The following SVIL variants were observed in gnomAD, a reference collection of about 807,000 sequenced individuals.
The protein encoded by SVIL is supervillin, also known as archvillin.
A neutral mutation model predicts 240.4 loss-of-function variants in SVIL; 101 were observed. The ratio of observed to expected loss-of-function variants is 0.42; its 90% confidence interval spans 0.36 to 0.50. SVIL has a LOEUF of 0.50. Ranked by LOEUF, SVIL falls within the 20% of genes least tolerant of loss-of-function variation. The pLI, the probability that SVIL is intolerant of heterozygous loss-of-function variation, is 0.01. For missense variants in SVIL, 2,512 were observed against 2,818.7 expected (o/e 0.89, Z 2.46); for synonymous variants, 999 against 1,100.0 (o/e 0.91, Z 1.82).
intron 1 of SVIL, among the ~76,000 whole-genome samples, chr10:29,619,763 T>C (rs987803976): frequency 3.9e-5 from 6 of 152,262 alleles, no homozygotes; most frequent in Non-Finnish European, 7.3e-5. Context: ...TAATTTTTGC[T>C]CTACTAAAAT....
upstream of SVIL, among the ~76,000 whole-genome samples, chr10:29,636,343 G>A (rs1051217657): frequency 1.3e-5 from 2 of 152,110 alleles, no homozygotes; most frequent in African/African-American, 4.8e-5. Flanking sequence ...TTCACTATTT[G>A]GGTCTTCTCT....
chr10:29,536,315 A>G (rs2132580626), intron 6 of SVIL, among the ~76,000 whole-genome samples: 1 of 152,300 alleles, frequency 6.6e-6, no homozygotes, highest in East Asian at 1.9e-4. Flanking sequence ...TGTGCTTATT[A>G]CCTGGGTGAC....
At chr10:29,518,067 C>A (rs1295644947) in intron 16 of SVIL, among the ~76,000 whole-genome samples, 1 of 152,134 alleles carries the variant, frequency 6.6e-6, no homozygotes, top group African/African-American at 2.4e-5. Context: ...TCAAATTTGA[C>A]ATTCACAATG....
rs1345689393 is a variant in SVIL, at chr10:29,522,640, G to T, written c.3164-5C>A. On this transcript the variant is annotated splice_polypyrimidine_tract_variant and splice_region_variant and intron_variant, in intron 15 of 37. Transcript: ENST00000355867. ...TGGGCTCCCCGAACTCTGCCGCTGG[G>T]AAGGAAAAGAGCAACATCAGCACTG... is the stretch of plus-strand genomic sequence containing the variant. The T allele has an allele frequency of 1.2e-6, 2 of 1,613,088 alleles. No homozygotes were observed. Among genetic ancestry groups the T allele is most frequent in the East Asian group, 4.5e-5 (2 of 44,850 alleles).
intron 29 of SVIL, among the ~76,000 whole-genome samples, chr10:29,477,929 T>G (rs1307822006): frequency 6.6e-6 from 1 of 152,270 alleles, no homozygotes; most frequent in Non-Finnish European, 1.5e-5. Context: ...TATTTTTAAT[T>G]AATTCACTTT....
At chr10:29,506,365 T>C (rs996016924) in intron 17 of SVIL, among the ~76,000 whole-genome samples, 14 of 152,094 alleles carry the variant, frequency 9.2e-5, no homozygotes, top group Non-Finnish European at 1.9e-4. Flanking sequence ...CATTTCCAGC[T>C]TCGGGGGAAG....
At chr10:29,659,892 T>C (rs571701470) in intron 2 of SVIL, among the ~76,000 whole-genome samples, 1 of 152,334 alleles carries the variant, frequency 6.6e-6, no homozygotes, top group African/African-American at 2.4e-5. Flanking sequence ...GCTAGATCAA[T>C]GTAAGCCTCT....
chr10:29,479,478 G>T (rs1946589482), intron 29 of SVIL, among the ~76,000 whole-genome samples: 1 of 152,162 alleles, frequency 6.6e-6, no homozygotes, highest in Non-Finnish European at 1.5e-5. Context: ...GGACCTCTGG[G>T]CCACAGCCCG....
rs769133195 is a variant in SVIL, at chr10:29,634,531, G to A, written c.-312C>T. On this transcript the variant is annotated 5_prime_UTR_variant, in exon 1 of 38. Coordinates refer to ENST00000355867, the MANE Select transcript of SVIL (RefSeq NM_021738.3). The stretch of plus-strand genomic sequence containing the variant: ...ACAAAACAAAACACGTTATACCCTC[G>A]AATCCAGCTTTTGATGTCTTCGAGT... 3.3e-5 allele frequency: 5 copies of A among 152,014 alleles called. No homozygotes were observed. The highest frequency in any genetic ancestry group is 7.4e-5 in the Non-Finnish European group (5 of 68,010). The allele number at this position is 152,014 out of a possible 1,614,324, so 9.4% of individuals were successfully genotyped here. A position where few individuals can be genotyped will look rare whatever the true frequency, so the allele number is the denominator to read the frequency against.
At chr10:29,471,594 A>G (rs910847391) in intron 30 of SVIL, among the ~76,000 whole-genome samples, 6 of 152,258 alleles carry the variant, frequency 3.9e-5, no homozygotes, top group African/African-American at 1.4e-4. Flanking sequence ...CAAGACTGAT[A>G]TAAATACATT....
intron 17 of SVIL, chr10:29,508,300 TG>T (rs1949528335): frequency 8.0e-7 from 1 of 1,248,818 alleles, no homozygotes; most frequent in Admixed American, 2.3e-5. Flanking sequence ...AGTGTAATTC[TG>T]GCCACCATCG....
chr10:29,716,757 A>G (rs549733164), intron 1 of SVIL, among the ~76,000 whole-genome samples: 1 of 152,246 alleles, frequency 6.6e-6, no homozygotes, highest in Non-Finnish European at 1.5e-5. Context: ...TTCTTGAAGC[A>G]GTTTATGGAA....
rs569573986 is a variant in SVIL, at chr10:29,606,672, G to T, written c.-201+27748C>A. Among the ~76,000 whole-genome samples the T allele has an allele frequency of 3.9e-5, 6 of 152,208 alleles. No individual in the cohort carries two copies. In the East Asian group the frequency reaches 9.6e-4, roughly 24 times the overall value. On this transcript the variant is annotated intron_variant, in intron 1 of 37. Coordinates refer to ENST00000355867, the MANE Select transcript of SVIL (RefSeq NM_021738.3). ...CTTGATCTATAATTGATTTTCTCCA[G>T]TTGCCTCAAAAATGTATTTTTACGG... is the stretch of plus-strand genomic sequence containing the variant.
rs1160364920 is a variant in SVIL, at chr10:29,480,827, C to T, written c.5101-14G>A. ...CCTGGGGTCTTCCTACAGGGGAACA[C>T]AAAGACATCAGTTCAGTTGCCTGTT... is the stretch of plus-strand genomic sequence containing the variant. On this transcript the variant is annotated splice_polypyrimidine_tract_variant and intron_variant, in intron 28 of 37. Coordinates refer to ENST00000355867, the MANE Select transcript of SVIL (RefSeq NM_021738.3). 6.3e-7 allele frequency: 1 copy of T among 1,594,572 alleles called. No homozygotes were observed. The highest frequency in any genetic ancestry group is 1.3e-5 in the African/African-American group (1 of 74,736).
At chr10:29,501,850 C>T (rs1053048818) in intron 17 of SVIL, among the ~76,000 whole-genome samples, 1 of 152,176 alleles carries the variant, frequency 6.6e-6, no homozygotes, top group African/African-American at 2.4e-5. Flanking sequence ...AGAAAGTTGG[C>T]GTCTCCAAAG....
intron 1 of SVIL, among the ~76,000 whole-genome samples, chr10:29,606,719 G>A (rs1444882017): frequency 6.6e-6 from 1 of 152,046 alleles, no homozygotes; most frequent in East Asian, 1.9e-4. Flanking sequence ...AAATAATAAT[G>A]CATTTGTGGT....
chr10:29,480,046 G>T (rs536876811), intron 29 of SVIL, among the ~76,000 whole-genome samples: 3 of 152,288 alleles, frequency 2.0e-5, no homozygotes, highest in Admixed American at 2.0e-4. Context: ...AGCACCACCC[G>T]TGCTCTCAGT....
Position 29,634,603 on chromosome 10 carries a change from G to A in SVIL, c.-384C>T, listed in dbSNP as rs1958239181. On this transcript the variant is annotated 5_prime_UTR_variant, in exon 1 of 38. Coordinates refer to ENST00000355867, the MANE Select transcript of SVIL (RefSeq NM_021738.3). Reference sequence around the variant, plus strand: ...AATGAATACTACTTTCAAATTCTAAGCACAAAGTAAAATCCCAAAAGTTAG... The same window carrying A: ...AATGAATACTACTTTCAAATTCTAAACACAAAGTAAAATCCCAAAAGTTAG... 1 of 152,068 alleles carries A rather than the reference G, an allele frequency of 6.6e-6. No individual in the cohort carries two copies. 9.4% of individuals were successfully genotyped at this position (152,068 alleles called of 1,614,324 possible). A position where few individuals can be genotyped will look rare whatever the true frequency, so the allele number is the denominator to read the frequency against.
intron 1 of SVIL, among the ~76,000 whole-genome samples, chr10:29,594,455 T>C (rs1319459293): frequency 6.6e-6 from 1 of 152,102 alleles, no homozygotes; most frequent in Admixed American, 6.6e-5. Context: ...TCATCAATTG[T>C]AGCGTATGTA....
Sources: allele counts gnomAD v4.1 joint callset (sites outside exome capture counted in the v4.1 genomes callset), GRCh38; gene constraint gnomAD v4.1.1; transcripts MANE v1.5; gene names NCBI Gene and HGNC (gene_info 2026-07-23, HGNC 2026-07-21).